CCNB2: variants seen among roughly 807,000 people sequenced by gnomAD.
CCNB2 encodes G2/mitotic-specific cyclin-B2.
CCNB2 carries 39 observed loss-of-function variants against 51.1 expected under a neutral mutation model. The observed-to-expected ratio is 0.76, with a 90% CI of 0.59 to 1.00. The LOEUF (loss-of-function observed/expected upper bound fraction) is 1.00, where lower values mean the gene tolerates loss of function less well. Ranked by LOEUF, CCNB2 falls within the 50% of genes least tolerant of loss-of-function variation. The pLI is 0.00. For missense variants in CCNB2, 472 were observed against 470.3 expected, an observed-to-expected ratio of 1.00 and a Z score of -0.03; for synonymous variants, 174 against 165.5, an observed-to-expected ratio of 1.05 and a Z score of -0.40.
intron 7 of CCNB2, among the ~76,000 whole-genome samples, chr15:59,123,263 A>C (rs1292937365): frequency 6.6e-6 from 1 of 152,204 alleles, no homozygotes; most frequent in Non-Finnish European, 1.5e-5. Context: ...CGTCTTTGAA[A>C]GATCGTATGG....
intron 3 of CCNB2, among the ~76,000 whole-genome samples, chr15:59,109,036 C>T (rs750169503): frequency 6.6e-6 from 1 of 152,072 alleles, no homozygotes; most frequent in Non-Finnish European, 1.5e-5. Flanking sequence ...CGCAGGAGGG[C>T]GATTTGGCAG....
chr15:59,118,699 A>C (rs561403379), intron 7 of CCNB2, among the ~76,000 whole-genome samples: 27 of 152,312 alleles, frequency 1.8e-4, no homozygotes, highest in African/African-American at 6.5e-4. Context: ...AAAATATAAA[A>C]AAGAAGAAGT....
In CCNB2 at chr15:59,117,240, C is replaced by T. The variant is rs2079282904; in HGVS notation, c.847C>T (p.Gln283Ter). ...TGTTCTTTCTTAGGTTGATGTTGAA[C>T]AGCACACTTTAGCCAAGTATTTGAT... ...ASKAGEVDVE[Q>*]HTLAKYLMEL... Residue 283 changes from glutamine (Q) to a stop codon, truncating the protein, a stop_gained, in exon 7 of 9, where the codon CAG becomes TAG. Transcript: ENST00000288207. LOFTEE classifies it high-confidence loss of function. 2 of 1,612,750 alleles carry T rather than the reference C, an allele frequency of 1.2e-6. No homozygotes were observed. The highest frequency in any genetic ancestry group is 1.7e-6 in the Non-Finnish European group (2 of 1,179,898).
chr15:59,120,836 T>C (rs2079299108), intron 7 of CCNB2, among the ~76,000 whole-genome samples: 1 of 152,238 alleles, frequency 6.6e-6, no homozygotes, highest in South Asian at 2.1e-4. Context: ...TATGATGAAG[T>C]GGTCTGGTGG....
In CCNB2 at chr15:59,123,514, C is replaced by G. The variant is rs375127836; in HGVS notation, c.976-3C>G. 1.9e-6 allele frequency: 3 copies of G among 1,590,526 alleles called. No homozygotes were observed. Among genetic ancestry groups the G allele is most frequent in the African/African-American group, 1.3e-5 (1 of 74,366 alleles). On this transcript the variant is annotated splice_region_variant and splice_polypyrimidine_tract_variant and intron_variant, in intron 7 of 8. Transcript: ENST00000288207. ...GTCTGTCTGTCTGCTTCTTGTGTTT[C>G]AGAACTTAAAGCAGCAGTATTACAC...
At chr15:59,107,190 T>C in intron 1 of CCNB2, 132 bp from the exon 2 acceptor site, 2 of 789,090 alleles carry the variant, frequency 2.5e-6, no homozygotes, top group Non-Finnish European at 3.9e-6. Context: ...TCCTGAAATG[T>C]ACCTTTTCCA....
chr15:59,116,760 A>G lies in CCNB2; in HGVS notation c.668A>G (p.Glu223Gly). ...ITALLLASKY[E>G]EMFSPNIEDF... ...GCTCTGCTCTTGGCTTCCAAGTATG[A>G]GGAGATGTTTTCTCCAAATATTGAA... Residue 223 changes from glutamate (E) to glycine (G), a missense_variant, in exon 6 of 9, where the codon GAG becomes GGG. Coordinates refer to ENST00000288207, the MANE Select transcript of CCNB2 (RefSeq NM_004701.4). 6.2e-7 allele frequency: 1 copy of G among 1,613,666 alleles called. No individual in the cohort carries two copies.
chr15:59,113,717 G>GT (rs1295867329), intron 3 of CCNB2, among the ~76,000 whole-genome samples: 1 of 152,150 alleles, frequency 6.6e-6, no homozygotes, highest in East Asian at 1.9e-4. Flanking sequence ...TGATAATTTT[G>GT]TTTTTTGTTT....
At chr15:59,122,034 C>T (rs2079304326) in intron 7 of CCNB2, among the ~76,000 whole-genome samples, 1 of 147,786 alleles carries the variant, frequency 6.8e-6, no homozygotes, top group South Asian at 2.2e-4. Context: ...GGGAGGATCA[C>T]TTGAGCCCAG....
intron 3 of CCNB2, among the ~76,000 whole-genome samples, chr15:59,112,329 C>T (rs1196401365): frequency 2.0e-5 from 3 of 150,204 alleles, no homozygotes; most frequent in African/African-American, 7.3e-5. Context: ...AATCATTGAG[C>T]TTTACTGTAA....
At chr15:59,116,578 T>A (rs941274347) in intron 5 of CCNB2, 112 bp from the exon 6 acceptor site, 6 of 560,812 alleles carry the variant, frequency 1.1e-5, no homozygotes, top group African/African-American at 2.4e-5. Flanking sequence ...TGTGCCCTTA[T>A]GAGCAAAGAC....
intron 7 of CCNB2, among the ~76,000 whole-genome samples, chr15:59,118,940 C>T (rs1467858842): frequency 1.3e-5 from 2 of 152,148 alleles, no homozygotes; most frequent in Non-Finnish European, 2.9e-5. Flanking sequence ...TTGTAGTTTA[C>T]ATTTTATGCA....
intron 3 of CCNB2, among the ~76,000 whole-genome samples, chr15:59,112,585 T>A (rs2079261858): frequency 6.6e-6 from 1 of 152,034 alleles, no homozygotes; most frequent in Non-Finnish European, 1.5e-5. Flanking sequence ...GACCTCGTGA[T>A]CCACCCACCT....
Position 59,123,640 on chromosome 15 carries a change from G to A in CCNB2, c.1086+13G>A, listed in dbSNP as rs2079312640. On this transcript the variant is annotated intron_variant, in intron 8 of 8. Transcript: ENST00000288207. The stretch of plus-strand genomic sequence containing the variant: ...AACTAAATTCATCGTAAGTACTACT[G>A]TTTTCTTAAGCTGTGGAAAGCTTTA... 1.4e-6 allele frequency: 2 copies of A among 1,383,612 alleles called. No homozygotes were observed. The highest frequency in any genetic ancestry group is 2.0e-6 in the Non-Finnish European group (2 of 996,612). 85.7% of individuals were successfully genotyped at this position (1,383,612 alleles called of 1,614,324 possible).
chr15:59,112,984 A>C (rs1339067076), intron 3 of CCNB2, among the ~76,000 whole-genome samples: 1 of 151,960 alleles, frequency 6.6e-6, no homozygotes, highest in African/African-American at 2.4e-5. Flanking sequence ...CAGTGAGCCA[A>C]GGTCGTGCCA....
At chr15:59,106,290 A>G (rs2079235459) in intron 1 of CCNB2, among the ~76,000 whole-genome samples, 1 of 152,232 alleles carries the variant, frequency 6.6e-6, no homozygotes, top group African/African-American at 2.4e-5. Flanking sequence ...TTTAGCATTT[A>G]ATTAATATCC....
Position 59,124,988 on chromosome 15 carries a change from G to T in CCNB2, c.*111G>T, listed in dbSNP as rs558823332. ...GTCTATCTCATGAAACCTCTTCTCA[G>T]ACCAGTTTTCTAAACATATATTGAG... On this transcript the variant is annotated 3_prime_UTR_variant, in exon 9 of 9. Coordinates refer to ENST00000288207, the MANE Select transcript of CCNB2 (RefSeq NM_004701.4). The T allele has an allele frequency of 1.3e-4, 76 of 572,254 alleles. 2 individuals carry two copies. In the South Asian group the frequency reaches 2.1e-3, roughly 16 times the overall value. 35.4% of individuals were successfully genotyped at this position (572,254 alleles called of 1,614,324 possible). A position where few individuals can be genotyped will look rare whatever the true frequency, so the allele number is the denominator to read the frequency against.
intron 3 of CCNB2, among the ~76,000 whole-genome samples, chr15:59,113,393 C>T (rs139803447): frequency 1.8e-4 from 27 of 152,258 alleles, no homozygotes; most frequent in East Asian, 1.9e-4. Context: ...GCACCTACTA[C>T]GTATCAGGGA....
intron 7 of CCNB2, among the ~76,000 whole-genome samples, chr15:59,119,795 T>C (rs2079294833): frequency 6.6e-6 from 1 of 152,136 alleles, no homozygotes; most frequent in African/African-American, 2.4e-5. Flanking sequence ...GCAGCCTCAA[T>C]TGCCTGGGCT....
Sources: allele counts gnomAD v4.1 joint callset (sites outside exome capture counted in the v4.1 genomes callset), GRCh38; gene constraint gnomAD v4.1.1; transcripts MANE v1.5; gene names NCBI Gene and HGNC (gene_info 2026-07-23, HGNC 2026-07-21).